Variants in PDE4D observed in about 807,000 individuals in gnomAD.
PDE4D encodes the protein phosphodiesterase 4D.
PDE4D carries 24 observed loss-of-function variants against 87.4 expected under a neutral mutation model. The ratio of observed to expected loss-of-function variants is 0.27; its 90% CI spans 0.20 to 0.39. PDE4D has a LOEUF of 0.39. Among genes scored for constraint, PDE4D ranks in the 10% least tolerant of loss-of-function variants. The pLI, the probability that PDE4D is intolerant of heterozygous loss-of-function variation, is 1.00. For synonymous variants in PDE4D, 384 were observed against 383.2 expected, an observed-to-expected ratio of 1.00 and a Z score of -0.02; for missense variants, 714 against 1,041.0, an observed-to-expected ratio of 0.69 and a Z score of 4.32.
At position 59,096,891 on chromosome 5, in the gene PDE4D, C is replaced by T. The variant is rs551673859; in HGVS notation, c.809-57920G>A. On this transcript the variant is annotated intron_variant, in intron 5 of 14. Coordinates refer to ENST00000340635, the MANE Select transcript of PDE4D (RefSeq NM_001104631.2). Reference sequence around the variant, plus strand: ...TATACTATACATAGAAGAGATACATCCACAAGGACATCTTACCAAGTGTGG... The same window carrying T: ...TATACTATACATAGAAGAGATACATTCACAAGGACATCTTACCAAGTGTGG... Among the ~76,000 whole-genome samples, 9 of 152,216 alleles carry T rather than the reference C, an allele frequency of 5.9e-5. No homozygotes were observed. In the East Asian group the frequency reaches 1.5e-3, roughly 26 times the overall value.
chr5:59,150,569 A>G (rs1779327644), intron 5 of PDE4D, among the ~76,000 whole-genome samples: 1 of 152,188 alleles, frequency 6.6e-6, no homozygotes, highest in Non-Finnish European at 1.5e-5. Flanking sequence ...TCATCAATGT[A>G]TCTCAAGAGC....
chr5:59,489,748 C>T (rs1805844917), intron 1 of PDE4D, among the ~76,000 whole-genome samples: 1 of 152,136 alleles, frequency 6.6e-6, no homozygotes, highest in Non-Finnish European at 1.5e-5. Flanking sequence ...AAAAAAGAAA[C>T]TTGCAATGAA....
intron 1 of PDE4D, among the ~76,000 whole-genome samples, chr5:60,309,899 T>C (rs1754851092): frequency 6.6e-6 from 1 of 152,226 alleles, no homozygotes; most frequent in Non-Finnish European, 1.5e-5. Context: ...CTAGTTAACA[T>C]CACAATAAAA....
chr5:59,689,673 C>A lies in PDE4D; in HGVS notation c.455+203495G>T, dbSNP rs62370489. On this transcript the variant is annotated intron_variant, in intron 1 of 14. Coordinates refer to ENST00000340635, the MANE Select transcript of PDE4D (RefSeq NM_001104631.2). ...TGAAACCTGGCACAAGACAGGGATG[C>A]CCTTTCTCACCACTCCTATTCAACA... Among the ~76,000 whole-genome samples, 6 of 152,268 alleles carry A rather than the reference C, an allele frequency of 3.9e-5. No individual in the cohort carries two copies. In the East Asian group the frequency reaches 1.2e-3, roughly 29 times the overall value.
rs79413886 is a variant in PDE4D at position 59,231,972 on chromosome 5, C to T, written c.456-16004G>A. ...GTCTTAACAACAATCAGCAAAGTTACAGAGGATCAGCTCAAGTGTGAACCT... is the reference window on the plus strand; with the variant it reads ...GTCTTAACAACAATCAGCAAAGTTATAGAGGATCAGCTCAAGTGTGAACCT... On this transcript the variant is annotated intron_variant, in intron 1 of 14. Transcript: ENST00000340635. Among the ~76,000 whole-genome samples, 377 of 152,278 alleles carry T rather than the reference C, an allele frequency of 2.5e-3. 2 individuals are homozygous for T. The highest frequency in any genetic ancestry group is 8.7e-3 in the African/African-American group (362 of 41,542).
chr5:60,467,252 C>T (rs1747431832), intron 1 of PDE4D, among the ~76,000 whole-genome samples: 1 of 152,046 alleles, frequency 6.6e-6, no homozygotes, highest in Admixed American at 6.6e-5. Flanking sequence ...GTTCGCCAGG[C>T]TGGTCTTGAA....
At chr5:60,259,897 G>A (rs577340293) in intron 1 of PDE4D, among the ~76,000 whole-genome samples, 1 of 152,058 alleles carries the variant, frequency 6.6e-6, no homozygotes, top group South Asian at 2.1e-4. Context: ...CAAGGAAAGT[G>A]GCTACTTCTG....
chr5:59,167,205 C>A (rs1033449751), intron 5 of PDE4D, among the ~76,000 whole-genome samples: 3 of 152,204 alleles, frequency 2.0e-5, no homozygotes, highest in Non-Finnish European at 4.4e-5. Flanking sequence ...GTGAGCAGGA[C>A]AGCCAGCCAC....
chr5:60,477,762 T>C (rs1486123778), intron 1 of PDE4D, among the ~76,000 whole-genome samples: 1 of 152,176 alleles, frequency 6.6e-6, no homozygotes, highest in Non-Finnish European at 1.5e-5. Flanking sequence ...GACTTGCCCA[T>C]GCTTCGACCC....
chr5:59,363,347 A>G (rs1350174240), intron 1 of PDE4D, among the ~76,000 whole-genome samples: 2 of 152,184 alleles, frequency 1.3e-5, no homozygotes, highest in African/African-American at 4.8e-5. Context: ...CACTGAGGAA[A>G]CGAAGACTTA....
At chr5:60,210,238 T>TA (rs1278432686) in intron 1 of PDE4D, among the ~76,000 whole-genome samples, 2 of 152,240 alleles carry the variant, frequency 1.3e-5, no homozygotes, top group East Asian at 3.9e-4. Flanking sequence ...TCCAGGTTTT[T>TA]AAAAAATCCA....
At chr5:59,724,493 G>C (rs1386515017) in intron 1 of PDE4D, among the ~76,000 whole-genome samples, 2 of 152,034 alleles carry the variant, frequency 1.3e-5, no homozygotes, top group East Asian at 3.9e-4. Context: ...GTAGTTTTTT[G>C]AGAAAGATGA....
At chr5:60,166,146 G>C (rs533924340) in intron 2 of PDE4D, among the ~76,000 whole-genome samples, 5 of 152,134 alleles carry the variant, frequency 3.3e-5, no homozygotes, top group Non-Finnish European at 7.4e-5. Flanking sequence ...CCAGGCTGGA[G>C]TGCAGTGGCA....
chr5:59,278,669 A>T (rs12522944), intron 1 of PDE4D, among the ~76,000 whole-genome samples: 35,361 of 151,876 alleles, frequency 0.23, 4,485 homozygotes, highest in Admixed American at 0.34. Context: ...CTCACTTTTT[A>T]AAAAAACTTA....
At chr5:59,924,193 AAAAC>A (rs138086492) in intron 3 of PDE4D, among the ~76,000 whole-genome samples, 3,321 of 152,262 alleles carry the variant, frequency 0.022, 130 homozygotes, top group African/African-American at 0.076. Flanking sequence ...AAAAGAAAGA[AAAAC>A]AAACAAACAA....
chr5:60,378,092 TA>T (rs1300865421), intron 1 of PDE4D, among the ~76,000 whole-genome samples: 2 of 152,218 alleles, frequency 1.3e-5, no homozygotes, highest in African/African-American at 2.4e-5. Flanking sequence ...GAAGGAATTT[TA>T]GAGCAATCTT....
chr5:60,303,790 C>T (rs1278244659), intron 1 of PDE4D, among the ~76,000 whole-genome samples: 1 of 152,144 alleles, frequency 6.6e-6, no homozygotes, highest in Non-Finnish European at 1.5e-5. Flanking sequence ...GTGGAGAATA[C>T]TGTAGATATG....
At chr5:59,957,323 T>A (rs1758944016) in intron 3 of PDE4D, among the ~76,000 whole-genome samples, 1 of 152,122 alleles carries the variant, frequency 6.6e-6, no homozygotes, top group South Asian at 2.1e-4. Flanking sequence ...TTTTCCAGTA[T>A]AGAATTAGAC....
At chr5:60,454,561 A>T (rs1746329474) in intron 1 of PDE4D, among the ~76,000 whole-genome samples, 1 of 152,174 alleles carries the variant, frequency 6.6e-6, no homozygotes, top group Non-Finnish European at 1.5e-5. Flanking sequence ...AGATAACCAA[A>T]CACCACATGT....
Sources: allele counts gnomAD v4.1 joint callset (sites outside exome capture counted in the v4.1 genomes callset), GRCh38; gene constraint gnomAD v4.1.1; transcripts MANE v1.5; gene names NCBI Gene and HGNC (gene_info 2026-07-23, HGNC 2026-07-21).